Variants in ABCB7 observed in about 807,000 individuals in gnomAD.
ABCB7 encodes ATP binding cassette subfamily B member 7, also known as iron-sulfur clusters transporter ABCB7, mitochondrial.
Under a neutral mutation model 54.4 loss-of-function variants are expected in ABCB7, and 7 were observed. The ratio of observed to expected loss-of-function variants is 0.13; its 90% CI spans 0.07 to 0.24. ABCB7 has a LOEUF of 0.24. Ranked by LOEUF, ABCB7 falls within the 10% of genes least tolerant of loss-of-function variation. ABCB7 has a pLI of 1.00. For missense variants in ABCB7, 356 were observed against 570.4 expected (o/e 0.62, Z 3.83); for synonymous variants, 218 against 207.1 (o/e 1.05, Z -0.45).
chrX:75,128,038 G>C (rs2081947074), intron 1 of ABCB7, among the ~76,000 whole-genome samples: 1 of 111,722 alleles, frequency 9.0e-6, no homozygotes, highest in African/African-American at 3.3e-5. Flanking sequence ...GTAATTGATA[G>C]ATTCAATGCT....
At chrX:75,083,921 G>A (rs1448829934) in intron 4 of ABCB7, among the ~76,000 whole-genome samples, 1 of 111,011 alleles carries the variant, frequency 9.0e-6, no homozygotes, top group African/African-American at 3.3e-5. Context: ...TTGCAGATGT[G>A]GTTAAGCTGA....
chrX:75,137,561 C>CA, intron 1 of ABCB7, among the ~76,000 whole-genome samples: 1 of 112,132 alleles, frequency 8.9e-6, no homozygotes, highest in East Asian at 2.8e-4. Flanking sequence ...ATCCTTCTAC[C>CA]ATAAAGACAC....
intron 1 of ABCB7, among the ~76,000 whole-genome samples, chrX:75,136,522 C>A (rs2082010499): frequency 1.8e-5 from 2 of 111,306 alleles, no homozygotes; most frequent in Admixed American, 9.6e-5. Context: ...AAAAGTAGCT[C>A]AAATAGCCAA....
chrX:75,053,731 GA>G, intron 15 of ABCB7, 146 bp from the exon 16 acceptor site: 2 of 939,684 alleles, frequency 2.1e-6, no homozygotes, highest in South Asian at 2.7e-5. Context: ...CAGTATAAGT[GA>G]AAAAAATTTA....
At chrX:75,074,238 AT>A (rs992688559) in intron 6 of ABCB7, among the ~76,000 whole-genome samples, 3 of 111,835 alleles carry the variant, frequency 2.7e-5, no homozygotes, top group African/African-American at 9.7e-5. Flanking sequence ...ATATACATAT[AT>A]TTTTAACTAT....
chrX:75,092,887 G>A (rs2081556452), intron 4 of ABCB7, among the ~76,000 whole-genome samples: 1 of 111,752 alleles, frequency 8.9e-6, no homozygotes, highest in South Asian at 3.7e-4. Flanking sequence ...TATTAGAATG[G>A]CTAAAATCTA....
intron 4 of ABCB7, among the ~76,000 whole-genome samples, chrX:75,090,126 A>G (rs769962912): frequency 9.0e-6 from 1 of 110,947 alleles, no homozygotes; most frequent in African/African-American, 3.3e-5. Context: ...ATAGAATGGC[A>G]AGGAAAAATA....
At chrX:75,155,639 G>A (rs1023206838) in intron 1 of ABCB7, among the ~76,000 whole-genome samples, 44 of 111,546 alleles carry the variant, frequency 3.9e-4, no homozygotes, top group African/African-American at 1.4e-3. Flanking sequence ...CAGCAAGGGA[G>A]TTAACTGGCG....
At position 75,104,048 on chromosome X, in the gene ABCB7, T is replaced by TTTTTTTG. The variant is rs1569233154; in HGVS notation, c.334-4988_334-4987insCAAAAAA. On this transcript the variant is annotated intron_variant, in intron 3 of 15. Coordinates refer to ENST00000373394, the MANE Select transcript of ABCB7 (RefSeq NM_001271696.3). ...AATGGGCATCCCTGTCTTGTTACAG[T>TTTTTTTG]TTTTTTTTTTTTTTTTTTTTTTTTT... Among the ~76,000 whole-genome samples, 20 of 23,508 alleles carry TTTTTTTG rather than the reference T, an allele frequency of 8.5e-4. 2 individuals carry two copies. The highest frequency in any genetic ancestry group is 2.5e-3 in the African/African-American group (19 of 7,655). The allele number at this position is 23,508 out of a possible 115,157, so 20.4% of individuals were successfully genotyped here.
intron 4 of ABCB7, among the ~76,000 whole-genome samples, chrX:75,090,977 C>T (rs2081539999): frequency 9.0e-6 from 1 of 111,067 alleles, no homozygotes; most frequent in African/African-American, 3.3e-5. Flanking sequence ...TAATTAATAA[C>T]CTTCCAAAAC....
intron 4 of ABCB7, among the ~76,000 whole-genome samples, chrX:75,092,080 G>C (rs149496980): frequency 1.1e-3 from 121 of 110,888 alleles, no homozygotes; most frequent in African/African-American, 3.6e-3. Context: ...TGATCCTAAA[G>C]TTTATAAAGA....
chrX:75,104,047 G>GTTTTTTTTTT lies in ABCB7; in HGVS notation c.334-4996_334-4987dup, dbSNP rs757074347. Reference sequence around the variant, plus strand: ...AAATGGGCATCCCTGTCTTGTTACAGTTTTTTTTTTTTTTTTTTTTTTTTT... The same window carrying GTTTTTTTTTT: ...AAATGGGCATCCCTGTCTTGTTACAGTTTTTTTTTTTTTTTTTTTTTTTTTTTTTTTTTTT... On this transcript the variant is annotated intron_variant, in intron 3 of 15. Transcript: ENST00000373394. Among the ~76,000 whole-genome samples the GTTTTTTTTTT allele has an allele frequency of 2.2e-3, 29 of 13,438 alleles. 9 individuals carry two copies. The East Asian group carries it at 0.029, about 14-fold the overall frequency. 11.7% of individuals were successfully genotyped at this position (13,438 alleles called of 115,157 possible).
At chrX:75,115,410 C>CTTTT (rs747398607) in intron 1 of ABCB7, among the ~76,000 whole-genome samples, 3 of 30,179 alleles carry the variant, frequency 9.9e-5, no homozygotes, top group Admixed American at 3.9e-4. Flanking sequence ...TGTCTCTTTT[C>CTTTT]TTTTTTTTTT....
intron 12 of ABCB7, 86 bp downstream of exon 12, chrX:75,068,921 T>G: frequency 9.5e-7 from 1 of 1,047,464 alleles, no homozygotes; most frequent in Non-Finnish European, 1.3e-6. Context: ...TAGCATATGT[T>G]GATCCCTTGA....
intron 6 of ABCB7, 59 bp downstream of exon 6, chrX:75,075,303 T>G: frequency 8.6e-7 from 1 of 1,159,436 alleles, no homozygotes. Flanking sequence ...CTTCAAATAT[T>G]CAATTGCTAC....
chrX:75,061,686 T>C (rs2081283131), intron 14 of ABCB7, among the ~76,000 whole-genome samples: 1 of 112,115 alleles, frequency 8.9e-6, no homozygotes. Flanking sequence ...TCTTCAGTTC[T>C]AGATTAAGGG....
intron 1 of ABCB7, among the ~76,000 whole-genome samples, chrX:75,151,311 A>T (rs1175635297): frequency 9.0e-6 from 1 of 111,216 alleles, no homozygotes; most frequent in Non-Finnish European, 1.9e-5. Context: ...TACCATATAC[A>T]GCCCATGTAA....
chrX:75,148,380 C>A (rs1322572411), intron 1 of ABCB7, among the ~76,000 whole-genome samples: 1 of 108,655 alleles, frequency 9.2e-6, no homozygotes, highest in Non-Finnish European at 1.9e-5. Context: ...TCCCAAACCC[C>A]CCCCCAACCC....
At chrX:75,072,958 G>A (rs1235770547) in intron 8 of ABCB7, among the ~76,000 whole-genome samples, 39 of 84,631 alleles carry the variant, frequency 4.6e-4, no homozygotes, top group African/African-American at 1.7e-3. Context: ...AAACTTTTTT[G>A]TTAAAAACTA....
Sources: allele counts gnomAD v4.1 joint callset (sites outside exome capture counted in the v4.1 genomes callset), GRCh38; gene constraint gnomAD v4.1.1; transcripts MANE v1.5; gene names NCBI Gene and HGNC (gene_info 2026-07-23, HGNC 2026-07-21).